Variants in TBC1D12 observed in about 807,000 individuals in gnomAD.
TBC1D12 encodes the protein TBC1 domain family member 12.
Under a neutral mutation model 86.7 loss-of-function variants are expected in TBC1D12, and 56 were observed. The observed-to-expected ratio is 0.65, with a 90% CI of 0.52 to 0.81. The LOEUF (loss-of-function observed/expected upper bound fraction) is 0.81. TBC1D12 is among the 30% of genes least tolerant of loss of function. The probability of loss-of-function intolerance (pLI) is 0.00; values close to 1 mark genes in which losing one functional copy is unlikely to be tolerated. For missense variants in TBC1D12, 1,023 were observed against 1,038.8 expected (o/e 0.98, Z 0.21); for synonymous variants, 421 against 411.7 (o/e 1.02, Z -0.27).
chr10:94,444,988 T>A (rs188991210), intron 2 of TBC1D12, among the ~76,000 whole-genome samples: 4,307 of 130,522 alleles, frequency 0.033, 96 homozygotes, highest in Middle Eastern at 0.052. Flanking sequence ...CGCCTCAGCC[T>A]CCCAAAGTGC....
In TBC1D12 at chr10:94,402,715, G is replaced by A. The variant is rs778535105; in HGVS notation, c.102G>A (p.Arg34=). 25 of 1,578,080 alleles carry A rather than the reference G, an allele frequency of 1.6e-5. No homozygotes were observed. Among genetic ancestry groups the A allele is most frequent in the Middle Eastern group, 1.7e-4 (1 of 5,880 alleles). Residue 34 remains arginine (R), a synonymous_variant, in exon 1 of 13, where the codon CGG becomes CGA. Transcript: ENST00000225235. Reference sequence around the variant, plus strand: ...TGGGCCAGGACAGGAAGGTAATCCGGGCCACGGGCGGCTTTGGCGGAGGCG... The same window carrying A: ...TGGGCCAGGACAGGAAGGTAATCCGAGCCACGGGCGGCTTTGGCGGAGGCG... The part of the protein sequence containing the change: ...DPVGQDRKVI[R]ATGGFGGGVG...
At chr10:94,465,788 A>ACG (rs1564960514) in intron 2 of TBC1D12, among the ~76,000 whole-genome samples, 33 of 143,954 alleles carry the variant, frequency 2.3e-4, no homozygotes, top group African/African-American at 9.0e-4. Flanking sequence ...ACATACATAC[A>ACG]TATACGCATA....
intron 2 of TBC1D12, among the ~76,000 whole-genome samples, chr10:94,467,478 C>CGCCTTG (rs1275470481): frequency 6.6e-6 from 1 of 152,108 alleles, no homozygotes; most frequent in African/African-American, 2.4e-5. Flanking sequence ...GTGAGCCGCC[C>CGCCTTG]GCCTTGGCCT....
chr10:94,451,411 A>G (rs1211629273), intron 2 of TBC1D12, among the ~76,000 whole-genome samples: 3 of 152,126 alleles, frequency 2.0e-5, no homozygotes, highest in African/African-American at 7.2e-5. Flanking sequence ...CTGATTTGCA[A>G]ACACATTGGA....
intron 5 of TBC1D12, among the ~76,000 whole-genome samples, chr10:94,497,879 G>A (rs1166522885): frequency 2.0e-5 from 3 of 146,560 alleles, no homozygotes; most frequent in African/African-American, 7.6e-5. Flanking sequence ...CTAGAGTGCA[G>A]TGGCACAATC....
intron 2 of TBC1D12, among the ~76,000 whole-genome samples, chr10:94,456,449 T>C (rs1433052721): frequency 6.6e-6 from 1 of 152,202 alleles, no homozygotes; most frequent in African/African-American, 2.4e-5. Flanking sequence ...AGAAGTGTGT[T>C]GTTTAATCTC....
chr10:94,465,539 G>A (rs1447155316), intron 2 of TBC1D12, among the ~76,000 whole-genome samples: 3 of 151,812 alleles, frequency 2.0e-5, no homozygotes, highest in South Asian at 2.1e-4. Flanking sequence ...TCAGCTACTC[G>A]GGAGGCTGAG....
intron 1 of TBC1D12, among the ~76,000 whole-genome samples, chr10:94,415,775 G>C (rs1287799536): frequency 6.6e-6 from 1 of 152,086 alleles, no homozygotes; most frequent in African/African-American, 2.4e-5. Flanking sequence ...CTTTTGATAG[G>C]TAATTATCAT....
At chr10:94,524,283 C>G (rs969697544) in intron 11 of TBC1D12, among the ~76,000 whole-genome samples, 1 of 152,182 alleles carries the variant, frequency 6.6e-6, no homozygotes. Flanking sequence ...CCTCCTCTCA[C>G]ATTCCACTGG....
chr10:94,473,886 G>C (rs2055947404), intron 2 of TBC1D12, among the ~76,000 whole-genome samples: 1 of 152,106 alleles, frequency 6.6e-6, no homozygotes, highest in African/African-American at 2.4e-5. Flanking sequence ...AGAATTATCA[G>C]GTTGGATGAA....
At chr10:94,480,598 G>T (rs1054172422) in intron 3 of TBC1D12, among the ~76,000 whole-genome samples, 8 of 151,964 alleles carry the variant, frequency 5.3e-5, no homozygotes, top group African/African-American at 1.9e-4. Context: ...GCCACCCCAG[G>T]ATTCAATTAT....
chr10:94,416,321 T>C (rs1166669949), intron 1 of TBC1D12, among the ~76,000 whole-genome samples: 7 of 152,242 alleles, frequency 4.6e-5, no homozygotes, highest in Admixed American at 4.6e-4. Flanking sequence ...TGTTATTTAG[T>C]CTTGCTTGAA....
intron 3 of TBC1D12, among the ~76,000 whole-genome samples, chr10:94,476,605 G>C (rs555876746): frequency 6.6e-6 from 1 of 152,140 alleles, no homozygotes; most frequent in African/African-American, 2.4e-5. Context: ...AGCTGAGTAC[G>C]TAGATAAGTT....
At chr10:94,442,102 A>T in intron 2 of TBC1D12, 83 bp downstream of exon 2, 1 of 1,270,666 alleles carries the variant, frequency 7.9e-7, no homozygotes. Flanking sequence ...TTTTTTTTAA[A>T]CTAACCATAT....
intron 1 of TBC1D12, among the ~76,000 whole-genome samples, chr10:94,434,272 G>A (rs996644243): frequency 3.3e-5 from 5 of 152,086 alleles, no homozygotes; most frequent in South Asian, 2.1e-4. Context: ...TTGGGAGGCC[G>A]AGGCAGGTGG....
intron 3 of TBC1D12, among the ~76,000 whole-genome samples, chr10:94,488,773 T>C (rs2056206007): frequency 6.6e-6 from 1 of 151,948 alleles, no homozygotes; most frequent in Non-Finnish European, 1.5e-5. Context: ...ACTTCTATTC[T>C]AGGGTGTCTC....
intron 2 of TBC1D12, among the ~76,000 whole-genome samples, chr10:94,463,699 T>A (rs1387611903): frequency 1.3e-5 from 2 of 152,254 alleles, no homozygotes; most frequent in African/African-American, 2.4e-5. Flanking sequence ...TTGAGACTTG[T>A]TTATGCCCCA....
At chr10:94,435,693 G>C (rs1262948857) in intron 1 of TBC1D12, among the ~76,000 whole-genome samples, 2 of 152,066 alleles carry the variant, frequency 1.3e-5, no homozygotes, top group Admixed American at 1.3e-4. Context: ...TACTTTTTAT[G>C]CTGGTGATTT....
chr10:94,404,092 A>T (rs1306745469), intron 1 of TBC1D12, among the ~76,000 whole-genome samples: 3 of 152,180 alleles, frequency 2.0e-5, no homozygotes, highest in African/African-American at 4.8e-5. Context: ...CATAGCGTCT[A>T]AATCCATTCA....
Sources: gnomAD v4.1 joint callset for allele counts (sites outside exome capture counted in the v4.1 genomes callset) on GRCh38, gnomAD v4.1.1 for gene constraint, MANE v1.5 for transcripts, NCBI Gene and HGNC (gene_info 2026-07-23, HGNC 2026-07-21) for gene names.